Variants in MLIP observed in about 807,000 individuals in gnomAD.
The protein encoded by MLIP is muscular LMNA interacting protein, also known as muscular LMNA-interacting protein.
In MLIP, 79 loss-of-function variants were observed where a neutral mutation model predicts 84.8. The observed-to-expected ratio is 0.93, with a 90% CI of 0.78 to 1.12. The LOEUF (loss-of-function observed/expected upper bound fraction) is 1.12, where lower values mean the gene tolerates loss of function less well. Among genes scored for constraint, MLIP ranks in the 50% most tolerant of loss-of-function variants. The pLI, the probability that MLIP is intolerant of heterozygous loss-of-function variation, is 0.00. For synonymous variants in MLIP, 504 were observed against 463.0 expected, an observed-to-expected ratio of 1.09 and a Z score of -1.14; for missense variants, 1,257 against 1,160.6, an observed-to-expected ratio of 1.08 and a Z score of -1.21.
At chr6:54,158,743 C>G (rs1774305668) in intron 5 of MLIP, among the ~76,000 whole-genome samples, 1 of 151,998 alleles carries the variant, frequency 6.6e-6, no homozygotes, top group Non-Finnish European at 1.5e-5. Context: ...GGGTCAAATA[C>G]TAAAAGCAGG....
At chr6:54,096,892 C>T (rs375812543) in intron 1 of MLIP, among the ~76,000 whole-genome samples, 10 of 152,198 alleles carry the variant, frequency 6.6e-5, no homozygotes, top group South Asian at 2.1e-4. Context: ...TTAGATGAGA[C>T]GGAGAGAGCT....
rs74362709 is a variant in MLIP, at chr6:54,226,610, C to CAA, written c.2719-4095_2719-4094dup. ...ATGAAATATGAGCAGAAAACCAAAC[C>CAA]AAAAAAAAAATGACCAAACAGGAAA... On this transcript the variant is annotated intron_variant, in intron 11 of 13. Transcript: ENST00000502396. Among the ~76,000 whole-genome samples the CAA allele has an allele frequency of 3.1e-3, 453 of 146,658 alleles. 1 individual carries two copies. The highest frequency in any genetic ancestry group is 0.011 in the South Asian group (50 of 4,716).
intron 1 of MLIP, among the ~76,000 whole-genome samples, chr6:54,020,227 G>A (rs1189744711): frequency 6.6e-6 from 1 of 152,188 alleles, no homozygotes; most frequent in African/African-American, 2.4e-5. Flanking sequence ...TCATGTGTAA[G>A]ATAGGGAACA....
intron 12 of MLIP, among the ~76,000 whole-genome samples, chr6:54,249,092 C>T (rs1269705557): frequency 6.6e-6 from 1 of 152,076 alleles, no homozygotes; most frequent in Non-Finnish European, 1.5e-5. Context: ...AGCTATGGCT[C>T]AGTGCAGGAG....
At chr6:54,192,748 G>A (rs1006867734) in intron 10 of MLIP, among the ~76,000 whole-genome samples, 3 of 151,884 alleles carry the variant, frequency 2.0e-5, no homozygotes, top group African/African-American at 7.2e-5. Flanking sequence ...GATGTATAAC[G>A]CATAAAAACA....
chr6:54,240,867 T>C (rs2150835645), intron 12 of MLIP, among the ~76,000 whole-genome samples: 1 of 152,192 alleles, frequency 6.6e-6, no homozygotes, highest in East Asian at 1.9e-4. Context: ...TCCCAGCTAC[T>C]CGAGAGGCTG....
intron 1 of MLIP, among the ~76,000 whole-genome samples, chr6:54,092,198 TGAG>T (rs995964403): frequency 2.0e-5 from 3 of 152,226 alleles, no homozygotes; most frequent in African/African-American, 7.2e-5. Flanking sequence ...TTTCTGCAAA[TGAG>T]TAGTGTTTCC....
chr6:54,224,521 T>C (rs994513999), intron 11 of MLIP, among the ~76,000 whole-genome samples: 4 of 152,100 alleles, frequency 2.6e-5, no homozygotes, highest in African/African-American at 7.2e-5. Context: ...CAGTTATGTG[T>C]TGCTTAACGA....
In MLIP at chr6:54,257,344, G is replaced by GCTC. The variant is rs1245167068; in HGVS notation, c.2960_2962dup (p.Ala987_Leu988insPro). The GCTC allele has an allele frequency of 1.2e-6, 2 of 1,612,078 alleles. No homozygotes were observed. Among genetic ancestry groups the GCTC allele is most frequent in the Non-Finnish European group, 8.5e-7 (1 of 1,178,566 alleles). ...AATGGTGGCTATTCCTGAACATGAA[G>GCTC]CTCTTGATTCCAAAGAGGTAAATGT... On this transcript the variant is annotated inframe_insertion, in exon 13 of 14. Transcript: ENST00000502396.
intron 10 of MLIP, among the ~76,000 whole-genome samples, chr6:54,193,472 G>C (rs1778087340): frequency 6.6e-6 from 1 of 152,192 alleles, no homozygotes; most frequent in Non-Finnish European, 1.5e-5. Context: ...TAGTTAAATA[G>C]ATTATCTAGG....
chr6:54,259,012 T>G (rs1783208401), intron 13 of MLIP, among the ~76,000 whole-genome samples: 1 of 116,508 alleles, frequency 8.6e-6, no homozygotes, highest in African/African-American at 3.6e-5. Context: ...TCTTTCTCTT[T>G]TAAAATCACG....
rs571693314 is a variant in MLIP, at chr6:54,225,279, G to A, written c.2719-5435G>A. ...GCCTACTACACACCTAAGCTATAGG[G>A]TATAGTATAGCCTATTGCTCCTAGG... On this transcript the variant is annotated intron_variant, in intron 11 of 13. Transcript: ENST00000502396. 5.9e-5 allele frequency among the ~76,000 whole-genome samples: 9 copies of A among 152,234 alleles called. No homozygotes were observed. The East Asian group carries it at 9.7e-4, about 16-fold the overall frequency.
intron 1 of MLIP, among the ~76,000 whole-genome samples, chr6:54,029,993 A>G (rs1175647041): frequency 6.6e-6 from 1 of 152,130 alleles, no homozygotes; most frequent in East Asian, 1.9e-4. Flanking sequence ...TATGGTAGCC[A>G]TTAGAGAAAT....
chr6:54,053,727 T>C lies in MLIP; in HGVS notation c.63+34636T>C, dbSNP rs549902969. Among the ~76,000 whole-genome samples, 12 of 152,358 alleles carry C rather than the reference T, an allele frequency of 7.9e-5. No individual in the cohort carries two copies. In the South Asian group the frequency reaches 2.5e-3, roughly 32 times the overall value. On this transcript the variant is annotated intron_variant, in intron 1 of 12. Coordinates refer to the MLIP transcript ENST00000274897. Reference sequence around the variant, plus strand: ...AATTAGAAAATGCATGTAAAGAGCTTAGCACAGTGCCTAGCTGAATAAAAT... The same window carrying C: ...AATTAGAAAATGCATGTAAAGAGCTCAGCACAGTGCCTAGCTGAATAAAAT...
chr6:54,155,150 C>A (rs1251665838), intron 5 of MLIP, among the ~76,000 whole-genome samples: 2 of 152,098 alleles, frequency 1.3e-5, no homozygotes, highest in East Asian at 3.8e-4. Flanking sequence ...ATTCCCAGAT[C>A]TTTAAAGAAA....
chr6:54,244,668 G>A (rs1448789017), intron 12 of MLIP, among the ~76,000 whole-genome samples: 1 of 152,168 alleles, frequency 6.6e-6, no homozygotes, highest in Non-Finnish European at 1.5e-5. Flanking sequence ...TTGAAACTGG[G>A]CATGCTTCTG....
In MLIP at chr6:54,187,671, T is replaced by G. The variant is rs1777526655; in HGVS notation, c.2545-2199T>G. Among the ~76,000 whole-genome samples, 6 of 152,218 alleles carry G rather than the reference T, an allele frequency of 3.9e-5. No homozygotes were observed. In the South Asian group the frequency reaches 1.2e-3, roughly 32 times the overall value. ...AAGTGACAAAAATATAAAAACGAGTTTGAGATAAATGGGAGAGGATTTCAG... is the reference window on the plus strand; with the variant it reads ...AAGTGACAAAAATATAAAAACGAGTGTGAGATAAATGGGAGAGGATTTCAG... On this transcript the variant is annotated intron_variant, in intron 9 of 13. Transcript: ENST00000502396.
At chr6:54,041,994 C>A (rs1223874958) in intron 1 of MLIP, among the ~76,000 whole-genome samples, 5 of 152,058 alleles carry the variant, frequency 3.3e-5, no homozygotes, top group Non-Finnish European at 7.4e-5. Flanking sequence ...TAGAAGTTAG[C>A]ATTTTTCCCT....
At chr6:54,212,317 A>G (rs1240502571) in intron 11 of MLIP, among the ~76,000 whole-genome samples, 4 of 152,180 alleles carry the variant, frequency 2.6e-5, no homozygotes, top group East Asian at 1.9e-4. Context: ...AGTACAATGC[A>G]CTATTGAAAG....
Sources: gnomAD v4.1 joint callset for allele counts (sites outside exome capture counted in the v4.1 genomes callset) on GRCh38, gnomAD v4.1.1 for gene constraint, MANE v1.5 for transcripts, NCBI Gene and HGNC (gene_info 2026-07-23, HGNC 2026-07-21) for gene names.